The following SH3RF1 variants were observed in gnomAD, a reference collection of about 807,000 sequenced individuals.
SH3RF1 encodes the protein E3 ubiquitin-protein ligase SH3RF1.
A neutral mutation model predicts 74.0 loss-of-function variants in SH3RF1; 32 were observed. The observed-to-expected ratio is 0.43, with a 90% confidence interval of 0.33 to 0.58. The LOEUF is 0.58. SH3RF1 is among the 20% of genes least tolerant of loss of function. The pLI is 0.05. For synonymous variants in SH3RF1, 396 were observed against 439.6 expected, an observed-to-expected ratio of 0.90 and a Z score of 1.24; for missense variants, 954 against 1,130.9, an observed-to-expected ratio of 0.84 and a Z score of 2.24.
intron 2 of SH3RF1, among the ~76,000 whole-genome samples, chr4:169,222,608 G>A (rs1391566706): frequency 6.6e-6 from 1 of 151,382 alleles, no homozygotes; most frequent in Non-Finnish European, 1.5e-5. Flanking sequence ...TAATAACATT[G>A]TTAAGATAAA....
intron 2 of SH3RF1, among the ~76,000 whole-genome samples, chr4:169,187,621 A>G (rs2126982719): frequency 6.6e-6 from 1 of 152,164 alleles, no homozygotes; most frequent in East Asian, 1.9e-4. Context: ...ATAATCTCCA[A>G]TAACAACAAA....
chr4:169,095,851 A>G lies in SH3RF1; in HGVS notation c.*668T>C, dbSNP rs1732920642. On this transcript the variant is annotated 3_prime_UTR_variant, in exon 12 of 12. Coordinates refer to ENST00000284637, the MANE Select transcript of SH3RF1 (RefSeq NM_020870.4). ...GGACTAGGTCTTCAGGGTGATTCCT[A>G]CCAAACTAGAAAGAGAGGGAATCAC... The G allele has an allele frequency of 6.6e-6, 1 of 152,224 alleles. No individual in the cohort carries two copies. The highest frequency in any genetic ancestry group is 1.5e-5 in the Non-Finnish European group (1 of 68,032). The allele number at this position is 152,224 out of a possible 1,614,324, so 9.4% of individuals were successfully genotyped here. A position where few individuals can be genotyped will look rare whatever the true frequency, so the allele number is the denominator to read the frequency against.
chr4:169,189,686 C>T (rs1223225650), intron 2 of SH3RF1, among the ~76,000 whole-genome samples: 20 of 152,174 alleles, frequency 1.3e-4, no homozygotes, highest in Admixed American at 1.3e-3. Context: ...CAGGCGTGGG[C>T]TCCTATTTCT....
At chr4:169,183,713 A>C (rs2126980432) in intron 2 of SH3RF1, among the ~76,000 whole-genome samples, 1 of 151,014 alleles carries the variant, frequency 6.6e-6, no homozygotes, top group South Asian at 2.1e-4. Context: ...GTGCCACCGC[A>C]CTGCAGCCTG....
chr4:169,107,033 C>G lies in SH3RF1; in HGVS notation c.2312G>C (p.Gly771Ala), dbSNP rs751732407. ...LPPGGGHGRA[G>A]SCPVDGDGPV... ...TCCGTCCCCGTCCACAGGGCAGGAG[C>G]CTGCCCTGCCATGGCCACCTCCTGG... The change falls in exon 11 of 12, where the codon GGC (glycine) becomes GCC (alanine). Residue 771 changes from glycine (G) to alanine (A), a missense_variant. Physicochemically the swap from Gly to Ala is moderately conservative, Grantham distance 60. Coordinates refer to ENST00000284637, the MANE Select transcript of SH3RF1 (RefSeq NM_020870.4). The G allele has an allele frequency of 1.2e-6, 2 of 1,613,848 alleles. No homozygotes were observed. Among genetic ancestry groups the G allele is most frequent in the East Asian group, 2.2e-5 (1 of 44,868 alleles).
At position 169,191,815 on chromosome 4, in the gene SH3RF1, T is replaced by A. The variant is rs150448564; in HGVS notation, c.394-35136A>T. Among the ~76,000 whole-genome samples the A allele has an allele frequency of 2.6e-5, 4 of 152,146 alleles. No homozygotes were observed. The East Asian group carries it at 5.8e-4, about 22-fold the overall frequency. On this transcript the variant is annotated intron_variant, in intron 2 of 11. Coordinates refer to ENST00000284637, the MANE Select transcript of SH3RF1 (RefSeq NM_020870.4). Reference sequence around the variant, plus strand: ...GAGAAAAGCCTTTTTCAACAAATGGTGCTGTGATAATTGGCTGGCCACAGG... The same window carrying A: ...GAGAAAAGCCTTTTTCAACAAATGGAGCTGTGATAATTGGCTGGCCACAGG...
At chr4:169,133,051 T>C (rs893242722) in intron 5 of SH3RF1, among the ~76,000 whole-genome samples, 2 of 152,160 alleles carry the variant, frequency 1.3e-5, no homozygotes, top group Non-Finnish European at 2.9e-5. Context: ...CCTTTCACCT[T>C]CCAGCTGCCA....
chr4:169,248,704 G>A (rs1378533536), intron 2 of SH3RF1, among the ~76,000 whole-genome samples: 2 of 152,180 alleles, frequency 1.3e-5, no homozygotes, highest in African/African-American at 2.4e-5. Flanking sequence ...ATCCACGTGA[G>A]CAGTCCAGTT....
At chr4:169,195,248 C>A (rs1354560463) in intron 2 of SH3RF1, among the ~76,000 whole-genome samples, 1 of 152,166 alleles carries the variant, frequency 6.6e-6, no homozygotes, top group Non-Finnish European at 1.5e-5. Flanking sequence ...CCATTGCCTT[C>A]TGCTGGCTAC....
intron 2 of SH3RF1, among the ~76,000 whole-genome samples, chr4:169,171,765 A>C (rs757605547): frequency 5.3e-5 from 8 of 152,200 alleles, no homozygotes; most frequent in Non-Finnish European, 7.4e-5. Flanking sequence ...CTCACAAAAA[A>C]CCACAGAAGA....
intron 4 of SH3RF1, among the ~76,000 whole-genome samples, chr4:169,149,211 G>A (rs950490919): frequency 6.6e-6 from 1 of 152,182 alleles, no homozygotes; most frequent in Admixed American, 6.5e-5. Flanking sequence ...CTGAATAATA[G>A]ATGGAGCATA....
At position 169,117,541 on chromosome 4, in the gene SH3RF1, G is replaced by A. The variant is rs1310633195; in HGVS notation, c.1759C>T (p.Arg587Cys). 8 of 1,614,182 alleles carry A rather than the reference G, an allele frequency of 5.0e-6. No individual in the cohort carries two copies. Among genetic ancestry groups the A allele is most frequent in the East Asian group, 2.2e-5 (1 of 44,890 alleles). Residue 587 changes from arginine (R) to cysteine (C), a missense_variant, in exon 9 of 12, where the codon CGC becomes TGC. Physicochemically the swap from Arg to Cys is radical, Grantham distance 180. This residue lies in a region of SH3RF1 where 854 missense variants were observed against 962.5 expected (regional missense o/e 0.89). Coordinates refer to ENST00000284637, the MANE Select transcript of SH3RF1 (RefSeq NM_020870.4). Reference sequence around the variant, plus strand: ...TCCTTACCTGTCCTCACAGCATTGCGGGCCTGGTTGACTGTCATTTGCCCC... The same window carrying A: ...TCCTTACCTGTCCTCACAGCATTGCAGGCCTGGTTGACTGTCATTTGCCCC... ...MTGQMTVNQARNAVRTVAAHN... is the reference protein window; with the variant it reads ...MTGQMTVNQACNAVRTVAAHN...
intron 4 of SH3RF1, among the ~76,000 whole-genome samples, chr4:169,141,800 G>A (rs995751020): frequency 1.4e-5 from 2 of 148,034 alleles, no homozygotes; most frequent in African/African-American, 5.0e-5. Context: ...ACCATGGCCC[G>A]CCTAATTTTT....
intron 2 of SH3RF1, 111 bp from the exon 3 acceptor site, chr4:169,156,790 A>G: frequency 3.1e-6 from 3 of 960,036 alleles, no homozygotes. Context: ...CCACACTGTA[A>G]CCCTTGAAGA....
intron 2 of SH3RF1, among the ~76,000 whole-genome samples, chr4:169,247,707 G>A (rs528335158): frequency 6.6e-6 from 1 of 152,122 alleles, no homozygotes; most frequent in African/African-American, 2.4e-5. Flanking sequence ...TGACATTCCT[G>A]CACACGACAG....
chr4:169,265,519 A>G (rs1325285404), intron 2 of SH3RF1, among the ~76,000 whole-genome samples: 2 of 152,080 alleles, frequency 1.3e-5, no homozygotes, highest in African/African-American at 4.8e-5. Context: ...TTTTGGCCAG[A>G]CTGGAGTGCA....
intron 2 of SH3RF1, among the ~76,000 whole-genome samples, chr4:169,164,953 T>C (rs1734211362): frequency 6.6e-6 from 1 of 152,236 alleles, no homozygotes. Flanking sequence ...CTATTGAGAA[T>C]GCAGTCACTC....
intron 2 of SH3RF1, among the ~76,000 whole-genome samples, chr4:169,231,950 T>A (rs919002758): frequency 6.6e-6 from 1 of 152,222 alleles, no homozygotes; most frequent in Non-Finnish European, 1.5e-5. Context: ...AATTTTTTCC[T>A]CTAATGGAGA....
rs372954313 is a variant in SH3RF1, at chr4:169,109,104, A to T, written c.2140-1899T>A. On this transcript the variant is annotated intron_variant, in intron 10 of 11. Coordinates refer to ENST00000284637, the MANE Select transcript of SH3RF1 (RefSeq NM_020870.4). ...AAGGCCAAGAGATGACATGCAAAAG[A>T]ATAATGTCCAGTAGCTTCCACTTCT... Among the ~76,000 whole-genome samples the T allele has an allele frequency of 4.2e-4, 64 of 152,354 alleles. No homozygotes were observed. The South Asian group carries it at 0.013, about 31-fold the overall frequency.
Sources: allele counts gnomAD v4.1 joint callset (sites outside exome capture counted in the v4.1 genomes callset), GRCh38; gene constraint gnomAD v4.1.1; regional missense constraint gnomAD v4.1.1; transcripts MANE v1.5; gene names NCBI Gene and HGNC (gene_info 2026-07-23, HGNC 2026-07-21).